The following ADGRL3 variants were observed in gnomAD, a reference collection of about 807,000 sequenced individuals.
ADGRL3 encodes adhesion G protein-coupled receptor L3, also known as calcium-independent alpha-latrotoxin receptor 3.
Under a neutral mutation model 153.5 loss-of-function variants are expected in ADGRL3, and 62 were observed. The observed-to-expected ratio is 0.40, with a 90% CI of 0.33 to 0.50. The LOEUF (loss-of-function observed/expected upper bound fraction) is 0.50, where lower values mean the gene tolerates loss of function less well. Ranked by LOEUF, ADGRL3 falls within the 20% of genes least tolerant of loss-of-function variation. ADGRL3 has a pLI of 0.47. For missense variants in ADGRL3, 1,641 were observed against 1,859.4 expected, an observed-to-expected ratio of 0.88 and a Z score of 2.16; for synonymous variants, 710 against 672.5, an observed-to-expected ratio of 1.06 and a Z score of -0.86.
chr4:62,070,548 C>G lies in ADGRL3; in HGVS notation c.4272C>G (p.Ile1424Met). The change falls in exon 27 of 27, where the codon ATC becomes ATG. Residue 1424 changes from isoleucine to methionine, a missense_variant. Physicochemically the swap from Ile to Met is conservative, Grantham distance 10 (BLOSUM62 1). This residue lies in a region of ADGRL3 where 517 missense variants were observed against 555.0 expected (regional missense o/e 0.93). Coordinates refer to ENST00000683033, the MANE Select transcript of ADGRL3 (RefSeq NM_001387552.1). Reference sequence around the variant, plus strand: ...CACACCATTATACCAGAAGGCGGATCCCCCAAGACCACAGTGAGAGCTTTT... The same window carrying G: ...CACACCATTATACCAGAAGGCGGATGCCCCAAGACCACAGTGAGAGCTTTT... ...HQPHHYTRRRIPQDHSESFFP... is the reference protein window; with the variant it reads ...HQPHHYTRRRMPQDHSESFFP... 1 of 1,550,756 alleles carries G rather than the reference C, an allele frequency of 6.4e-7. No homozygotes were observed. The highest frequency in any genetic ancestry group is 1.2e-5 in the South Asian group (1 of 83,984).
intron 5 of ADGRL3, among the ~76,000 whole-genome samples, chr4:61,596,102 T>A (rs760082876): frequency 1.3e-5 from 2 of 151,952 alleles, no homozygotes; most frequent in Non-Finnish European, 2.9e-5. Flanking sequence ...TTTAGCAATA[T>A]GAAGCTAAAA....
intron 8 of ADGRL3, among the ~76,000 whole-genome samples, chr4:61,777,570 A>G (rs1580778901): frequency 1.3e-5 from 2 of 152,192 alleles, no homozygotes; most frequent in Non-Finnish European, 1.5e-5. Context: ...TCACGTGAAC[A>G]CAGGACTGAT....
At chr4:61,526,013 G>A (rs1171571845) in intron 4 of ADGRL3, among the ~76,000 whole-genome samples, 2 of 152,080 alleles carry the variant, frequency 1.3e-5, no homozygotes, top group Non-Finnish European at 2.9e-5. Context: ...GCAGGGGAGG[G>A]ACAAGGAGGG....
intron 5 of ADGRL3, among the ~76,000 whole-genome samples, chr4:61,660,238 A>C (rs1320546593): frequency 6.6e-6 from 1 of 152,140 alleles, no homozygotes; most frequent in African/African-American, 2.4e-5. Context: ...CATTTCCTCT[A>C]CAGTTTCCCA....
chr4:61,523,534 C>T (rs1202692416), intron 4 of ADGRL3, among the ~76,000 whole-genome samples: 1 of 152,072 alleles, frequency 6.6e-6, no homozygotes, highest in Non-Finnish European at 1.5e-5. Flanking sequence ...TTGCACATCA[C>T]TGTTCAGAAT....
At chr4:61,221,344 T>C (rs941030869) in intron 1 of ADGRL3, among the ~76,000 whole-genome samples, 5 of 152,170 alleles carry the variant, frequency 3.3e-5, no homozygotes, top group Non-Finnish European at 5.9e-5. Flanking sequence ...GGACTCAGTG[T>C]GTCTTTATAT....
chr4:61,718,303 T>A (rs894905018), intron 6 of ADGRL3, among the ~76,000 whole-genome samples: 1 of 152,146 alleles, frequency 6.6e-6, no homozygotes, highest in African/African-American at 2.4e-5. Flanking sequence ...TACCTGTTAT[T>A]CAAGAGCACC....
intron 1 of ADGRL3, among the ~76,000 whole-genome samples, chr4:61,347,296 G>T (rs1301010116): frequency 6.6e-6 from 1 of 151,212 alleles, no homozygotes; most frequent in Non-Finnish European, 1.5e-5. Flanking sequence ...AGATAGAGAG[G>T]TATATTAAAT....
chr4:62,077,160 A>G lies in ADGRL3; in HGVS notation c.*6252A>G, dbSNP rs1355860686. 3 of 151,984 alleles carry G rather than the reference A, an allele frequency of 2.0e-5. No individual in the cohort carries two copies. Among genetic ancestry groups the G allele is most frequent in the South Asian group, 2.1e-4 (1 of 4,836 alleles). The allele number at this position is 151,984 out of a possible 1,614,324, so 9.4% of individuals were successfully genotyped here. Reference sequence around the variant, plus strand: ...GTATTCCAAATGCGCCTTTCATTCTAGAATACTAAAGGAAAGCGTTTGAAA... The same window carrying G: ...GTATTCCAAATGCGCCTTTCATTCTGGAATACTAAAGGAAAGCGTTTGAAA... On this transcript the variant is annotated 3_prime_UTR_variant, in exon 27 of 27. Coordinates refer to ENST00000683033, the MANE Select transcript of ADGRL3 (RefSeq NM_001387552.1).
rs550370929 is a variant in ADGRL3 at position 61,446,470 on chromosome 4, T to C, written c.-173-50651T>C. ...TTTAAGAATGTATGGTTCCAAGCTCTTGAGGGAGATACATTTGTAAGAGAT... is the reference window on the plus strand; with the variant it reads ...TTTAAGAATGTATGGTTCCAAGCTCCTGAGGGAGATACATTTGTAAGAGAT... On this transcript the variant is annotated intron_variant, in intron 2 of 26. Coordinates refer to ENST00000683033, the MANE Select transcript of ADGRL3 (RefSeq NM_001387552.1). Among the ~76,000 whole-genome samples, 3 of 152,350 alleles carry C rather than the reference T, an allele frequency of 2.0e-5. No homozygotes were observed. The East Asian group carries it at 5.8e-4, about 29-fold the overall frequency.
intron 4 of ADGRL3, among the ~76,000 whole-genome samples, chr4:61,586,170 A>G (rs904616895): frequency 6.6e-6 from 1 of 152,044 alleles, no homozygotes; most frequent in Non-Finnish European, 1.5e-5. Flanking sequence ...TTTGAAATCT[A>G]TTGATATTTG....
chr4:61,703,371 T>C lies in ADGRL3; in HGVS notation c.583+26436T>C, dbSNP rs183769845. ...TACAATCCTCCTGTGAAAGTGCTTT[T>C]GAGAACAGAAAAATTTTGAGTAAAA... On this transcript the variant is annotated intron_variant, in intron 6 of 26. Transcript: ENST00000683033. 1.2e-4 allele frequency among the ~76,000 whole-genome samples: 19 copies of C among 152,194 alleles called. No individual in the cohort carries two copies. In the East Asian group the frequency reaches 3.7e-3, roughly 29 times the overall value.
At chr4:61,555,284 G>T (rs761239292) in intron 4 of ADGRL3, among the ~76,000 whole-genome samples, 3 of 152,020 alleles carry the variant, frequency 2.0e-5, no homozygotes, top group South Asian at 2.1e-4. Flanking sequence ...ATTATTAAAG[G>T]TTCATTAAGA....
chr4:62,071,780 C>A lies in ADGRL3; in HGVS notation c.*872C>A. The A allele has an allele frequency of 2.5e-6, 1 of 395,358 alleles. No individual in the cohort carries two copies. The highest frequency in any genetic ancestry group is 4.9e-6 in the Non-Finnish European group (1 of 205,424). 24.5% of individuals were successfully genotyped at this position (395,358 alleles called of 1,614,324 possible). On this transcript the variant is annotated 3_prime_UTR_variant, in exon 27 of 27. Transcript: ENST00000683033. ...GCCTTTTATTCCTTTAAAATTTCGC[C>A]TGGCAAAAAATAAATAAATGGAACT...
intron 9 of ADGRL3, among the ~76,000 whole-genome samples, chr4:61,891,099 T>C (rs2098580140): frequency 6.6e-6 from 1 of 152,216 alleles, no homozygotes; most frequent in Non-Finnish European, 1.5e-5. Flanking sequence ...GAGCTTTGAT[T>C]TGGCAAAAGT....
intron 8 of ADGRL3, among the ~76,000 whole-genome samples, chr4:61,748,931 A>G (rs1402995159): frequency 3.3e-5 from 5 of 151,204 alleles, no homozygotes; most frequent in African/African-American, 7.3e-5. Flanking sequence ...GCAACCTACA[A>G]AATGGGAGAA....
intron 11 of ADGRL3, among the ~76,000 whole-genome samples, chr4:61,901,459 C>A (rs911243689): frequency 3.9e-5 from 6 of 152,136 alleles, no homozygotes; most frequent in Non-Finnish European, 5.9e-5. Flanking sequence ...TCCTTAGATC[C>A]AGCATGAAAT....
intron 2 of ADGRL3, among the ~76,000 whole-genome samples, chr4:61,471,350 A>G (rs1475953186): frequency 6.6e-6 from 1 of 151,780 alleles, no homozygotes; most frequent in African/African-American, 2.4e-5. Context: ...TTATTTTTTG[A>G]TAAGTATTAT....
chr4:61,404,015 T>A (rs1288755733), intron 2 of ADGRL3, among the ~76,000 whole-genome samples: 1 of 151,966 alleles, frequency 6.6e-6, no homozygotes, highest in Admixed American at 6.6e-5. Flanking sequence ...CACTTTGGGG[T>A]TTAGGGCTTC....
Sources: gnomAD v4.1 joint callset for allele counts (sites outside exome capture counted in the v4.1 genomes callset) on GRCh38, gnomAD v4.1.1 for gene constraint, gnomAD v4.1.1 regional missense constraint, MANE v1.5 for transcripts, NCBI Gene and HGNC (gene_info 2026-07-23, HGNC 2026-07-21) for gene names.